The following ALG13 variants were observed in gnomAD, a reference collection of about 807,000 sequenced individuals.
ALG13 encodes the protein UDP-N-acetylglucosamine transferase subunit ALG13.
A neutral mutation model predicts 87.8 loss-of-function variants in ALG13; 11 were observed. The ratio of observed to expected loss-of-function variants is 0.13; its 90% confidence interval spans 0.08 to 0.21. The LOEUF is 0.21. ALG13 is among the 10% of genes least tolerant of loss of function. ALG13 has a pLI of 1.00. For missense variants in ALG13, 756 were observed against 866.1 expected (o/e 0.87, Z 1.60); for synonymous variants, 320 against 306.3 (o/e 1.04, Z -0.47).
chrX:111,730,631 C>T (rs1942582460), intron 21 of ALG13, 51 bp downstream of exon 21: 1 of 938,415 alleles, frequency 1.1e-6, no homozygotes, highest in Non-Finnish European at 1.5e-6. Flanking sequence ...TGTACTAGGG[C>T]ACTGTTAAGA....
chrX:111,689,736 C>A, intron 3 of ALG13: 8 of 717,546 alleles, frequency 1.1e-5, no homozygotes, highest in Non-Finnish European at 1.3e-5. Context: ...CCCCTAGGAG[C>A]AGCTCCTTGA....
intron 10 of ALG13, among the ~76,000 whole-genome samples, chrX:111,719,187 C>T (rs1335259535): frequency 2.7e-5 from 3 of 109,956 alleles, no homozygotes; most frequent in Non-Finnish European, 5.7e-5. Flanking sequence ...TCACCAAGCC[C>T]GGCTAATTTT....
At chrX:111,734,697 C>T (rs1325960480) in intron 21 of ALG13, among the ~76,000 whole-genome samples, 1 of 112,014 alleles carries the variant, frequency 8.9e-6, no homozygotes, top group Non-Finnish European at 1.9e-5. Context: ...TACCAAGCTA[C>T]ATATTCAGAT....
At chrX:111,694,054 T>TA (rs1056099716) in intron 3 of ALG13, among the ~76,000 whole-genome samples, 3 of 110,908 alleles carry the variant, frequency 2.7e-5, no homozygotes, top group African/African-American at 9.8e-5. Context: ...TTTATTTATT[T>TA]TTTTTTTGAG....
chrX:111,734,212 T>C (rs1364617227), intron 21 of ALG13, among the ~76,000 whole-genome samples: 2 of 112,679 alleles, frequency 1.8e-5, no homozygotes, highest in Non-Finnish European at 3.8e-5. Context: ...CAGGACTCTT[T>C]GAATAAAGAT....
At chrX:111,752,939 C>T (rs935900968) in intron 25 of ALG13, 109 bp downstream of exon 25, 8 of 519,830 alleles carry the variant, frequency 1.5e-5, no homozygotes, top group Non-Finnish European at 2.5e-5. Context: ...GGGGACTAAA[C>T]ATTTTAATTC....
chrX:111,700,245 AT>A (rs1006108966), intron 3 of ALG13, among the ~76,000 whole-genome samples: 2 of 110,347 alleles, frequency 1.8e-5, no homozygotes, highest in African/African-American at 6.6e-5. Flanking sequence ...AACTTTACTC[AT>A]TTTTTTAATC....
intron 3 of ALG13, among the ~76,000 whole-genome samples, chrX:111,703,552 C>CA (rs1342652186): frequency 2.7e-5 from 3 of 111,857 alleles, no homozygotes; most frequent in African/African-American, 9.7e-5. Flanking sequence ...TAACTACTGG[C>CA]AAAAACTAAT....
chrX:111,757,978 C>A (rs1452327583), intron 26 of ALG13, among the ~76,000 whole-genome samples: 1 of 111,306 alleles, frequency 9.0e-6, no homozygotes, highest in Non-Finnish European at 1.9e-5. Flanking sequence ...GCCCCTTTCA[C>A]TGGCTTGCAT....
rs754736328 is a variant in ALG13, at chrX:111,757,636, C to G, written c.3022C>G (p.Gln1008Glu). The G allele has an allele frequency of 1.7e-6, 2 of 1,205,828 alleles. No homozygotes were observed. The highest frequency in any genetic ancestry group is 3.5e-5 in the African/African-American group (2 of 56,679). Residue 1008 changes from glutamine (Q) to glutamate (E), a missense_variant, in exon 26 of 27, where the codon CAG becomes GAG. Physicochemically the swap from Gln to Glu is conservative, Grantham distance 29. Transcript: ENST00000394780. The stretch of plus-strand genomic sequence containing the variant: ...CTCCATGGTCTATGTGCCACAGATG[C>G]AGCAGCAGCTTCATGTAGAGAATTA... ...WHSMVYVPQM[Q>E]QQLHVENYPV...
intron 1 of ALG13, 56 bp downstream of exon 1, chrX:111,681,355 C>T: frequency 8.3e-7 from 1 of 1,206,705 alleles, no homozygotes; most frequent in Non-Finnish European, 1.1e-6. Flanking sequence ...CATCTCCGGC[C>T]ATACTGCCAG....
chrX:111,744,803 CTCCTGCTCT>C lies in ALG13; in HGVS notation c.2833_2841del (p.Pro945_Leu947del), dbSNP rs1432069186. The C allele has an allele frequency of 8.6e-7, 1 of 1,163,289 alleles. No individual in the cohort carries two copies. The highest frequency in any genetic ancestry group is 1.1e-6 in the Non-Finnish European group (1 of 872,452). On this transcript the variant is annotated inframe_deletion, in exon 24 of 27. Transcript: ENST00000394780. Reference sequence around the variant, plus strand: ...CCTCCTCCTCCTCCTCCTCCTCCTCCTCCTGCTCTTGATGTGGGAGAGACTTCAAACTTA... The same window carrying C: ...CCTCCTCCTCCTCCTCCTCCTCCTCCTGATGTGGGAGAGACTTCAAACTTA...
intron 1 of ALG13, chrX:111,681,802 G>T: frequency 1.2e-6 from 1 of 846,205 alleles, no homozygotes; most frequent in African/African-American, 2.1e-5. Flanking sequence ...TCCCCTCAGG[G>T]CTCCCGGTTC....
intron 23 of ALG13, among the ~76,000 whole-genome samples, chrX:111,737,915 A>G (rs895057052): frequency 8.9e-6 from 1 of 112,283 alleles, no homozygotes; most frequent in African/African-American, 3.2e-5. Context: ...AACTGCTAAG[A>G]GTGGAATCTG....
chrX:111,689,288 G>A, intron 3 of ALG13: 14 of 751,468 alleles, frequency 1.9e-5, no homozygotes, highest in Non-Finnish European at 2.2e-5. Flanking sequence ...AATCCAGGGA[G>A]AGAATCTTTA....
chrX:111,730,300 A>G (rs1942536082), intron 19 of ALG13, 95 bp from the exon 20 acceptor site: 1 of 765,776 alleles, frequency 1.3e-6, no homozygotes, highest in African/African-American at 2.1e-5. Flanking sequence ...TATAACCATA[A>G]AACTGGTGGA....
chrX:111,683,437 C>T (rs1934080896), intron 2 of ALG13, among the ~76,000 whole-genome samples: 2 of 105,476 alleles, frequency 1.9e-5, no homozygotes, highest in Admixed American at 1.0e-4. Flanking sequence ...TCAAGCGATT[C>T]TCCTGTCTCA....
intron 24 of ALG13, among the ~76,000 whole-genome samples, chrX:111,750,274 A>G (rs1263569598): frequency 9.0e-6 from 1 of 111,623 alleles, no homozygotes; most frequent in Non-Finnish European, 1.9e-5. Flanking sequence ...TAGTTTGGCC[A>G]TGGATTTGCC....
Position 111,718,096 on chromosome X carries a change from A to T in ALG13, c.1088-16A>T. 8.7e-7 allele frequency: 1 copy of T among 1,151,288 alleles called. No homozygotes were observed. Among genetic ancestry groups the T allele is most frequent in the African/African-American group, 1.8e-5 (1 of 55,631 alleles). 94.9% of individuals were successfully genotyped at this position (1,151,288 alleles called of 1,213,427 possible). A position where few individuals can be genotyped will look rare whatever the true frequency, so the allele number is the denominator to read the frequency against. On this transcript the variant is annotated splice_polypyrimidine_tract_variant and intron_variant, in intron 9 of 26. Transcript: ENST00000394780. ...TCTTATTTTGACAATTGGAATTTTG[A>T]CCATTTTTTCTTCAGCTGTATTGTA...
Sources: allele counts gnomAD v4.1 joint callset (sites outside exome capture counted in the v4.1 genomes callset), GRCh38; gene constraint gnomAD v4.1.1; transcripts MANE v1.5; gene names NCBI Gene and HGNC (gene_info 2026-07-23, HGNC 2026-07-21).